GMDS: variants seen among roughly 807,000 people sequenced by gnomAD.
GMDS encodes GDP-mannose 4,6-dehydratase.
In GMDS, 20 loss-of-function variants were observed where a neutral mutation model predicts 49.9. That is an observed-to-expected ratio of 0.40 (90% CI 0.28 to 0.58). The LOEUF is 0.58. Among genes scored for constraint, GMDS ranks in the 20% least tolerant of loss-of-function variants. GMDS has a pLI of 0.42. For missense variants in GMDS, 362 were observed against 481.4 expected, an observed-to-expected ratio of 0.75 and a Z score of 2.32; for synonymous variants, 177 against 178.6, an observed-to-expected ratio of 0.99 and a Z score of 0.07.
intron 9 of GMDS, among the ~76,000 whole-genome samples, chr6:1,703,638 A>C (rs1038939236): frequency 6.6e-6 from 1 of 152,256 alleles, no homozygotes; most frequent in Non-Finnish European, 1.5e-5. Flanking sequence ...GCCTGCTGGC[A>C]TCTGCCGAGG....
intron 7 of GMDS, among the ~76,000 whole-genome samples, chr6:1,764,455 T>C (rs1300110850): frequency 6.6e-6 from 1 of 152,236 alleles, no homozygotes; most frequent in Non-Finnish European, 1.5e-5. Context: ...CTGTCTGGAA[T>C]AGGCTTGTCA....
At chr6:2,169,007 G>A (rs1355800273) in intron 1 of GMDS, among the ~76,000 whole-genome samples, 4 of 152,092 alleles carry the variant, frequency 2.6e-5, no homozygotes, top group African/African-American at 7.2e-5. Flanking sequence ...TAGGTAGAAA[G>A]AACACTTGAA....
chr6:2,039,454 T>A (rs1420866774), intron 4 of GMDS, among the ~76,000 whole-genome samples: 1 of 152,208 alleles, frequency 6.6e-6, no homozygotes, highest in East Asian at 1.9e-4. Flanking sequence ...TATAAACTTT[T>A]TAGTATTTTT....
intron 7 of GMDS, among the ~76,000 whole-genome samples, chr6:1,883,320 G>T (rs1759451157): frequency 6.6e-6 from 1 of 152,066 alleles, no homozygotes; most frequent in African/African-American, 2.4e-5. Flanking sequence ...AACCCTAGGA[G>T]GCGGAGGCTG....
At chr6:1,814,826 A>G (rs564282412) in intron 7 of GMDS, among the ~76,000 whole-genome samples, 58 of 152,316 alleles carry the variant, frequency 3.8e-4, no homozygotes, top group African/African-American at 1.3e-3. Flanking sequence ...AACAAATTAA[A>G]CAACTGGCAT....
intron 4 of GMDS, among the ~76,000 whole-genome samples, chr6:2,050,540 C>G (rs1468577661): frequency 1.1e-4 from 17 of 152,322 alleles, no homozygotes; most frequent in African/African-American, 3.8e-4. Context: ...AGGCCAGCAT[C>G]ATCCTAATAC....
chr6:1,864,646 T>C (rs921895933), intron 7 of GMDS, among the ~76,000 whole-genome samples: 2 of 152,068 alleles, frequency 1.3e-5, no homozygotes, highest in Non-Finnish European at 2.9e-5. Flanking sequence ...CAGGATAAAA[T>C]GGGAAAAATG....
chr6:2,065,974 T>G (rs1404564294), intron 4 of GMDS, among the ~76,000 whole-genome samples: 1 of 152,144 alleles, frequency 6.6e-6, no homozygotes, highest in African/African-American at 2.4e-5. Flanking sequence ...AATTGTCAGA[T>G]TCACCAAAGT....
intron 4 of GMDS, among the ~76,000 whole-genome samples, chr6:1,994,126 T>C (rs1411555881): frequency 6.6e-6 from 1 of 152,226 alleles, no homozygotes; most frequent in African/African-American, 2.4e-5. Flanking sequence ...TCTGAATAAT[T>C]TTCTTATTCC....
intron 4 of GMDS, among the ~76,000 whole-genome samples, chr6:2,038,961 G>A (rs1769476965): frequency 6.6e-6 from 1 of 152,118 alleles, no homozygotes; most frequent in Admixed American, 6.6e-5. Context: ...ACATAACAGC[G>A]GGGATACATT....
intron 4 of GMDS, among the ~76,000 whole-genome samples, chr6:2,008,648 G>A (rs1012674060): frequency 7.2e-5 from 11 of 152,212 alleles, no homozygotes; most frequent in Non-Finnish European, 7.3e-5. Context: ...AGCTTAGCTT[G>A]CATGTACCTA....
At chr6:1,975,708 T>C (rs1031815729) in intron 4 of GMDS, among the ~76,000 whole-genome samples, 1 of 151,876 alleles carries the variant, frequency 6.6e-6, no homozygotes, top group Non-Finnish European at 1.5e-5. Flanking sequence ...ACTTGAAAAA[T>C]GGGAAGAACA....
intron 7 of GMDS, among the ~76,000 whole-genome samples, chr6:1,759,793 C>G (rs976089050): frequency 6.6e-6 from 1 of 152,144 alleles, no homozygotes; most frequent in Non-Finnish European, 1.5e-5. Context: ...CTTTCTAAAA[C>G]CTTCCTCCTA....
At chr6:1,989,274 G>C (rs1457604747) in intron 4 of GMDS, among the ~76,000 whole-genome samples, 1 of 152,202 alleles carries the variant, frequency 6.6e-6, no homozygotes, top group East Asian at 1.9e-4. Context: ...CATACTCTTG[G>C]TGTGAGGAAG....
At position 2,181,405 on chromosome 6, in the gene GMDS, C is replaced by A. The variant is rs79345884; in HGVS notation, c.103-56674G>T. 1.7e-3 allele frequency among the ~76,000 whole-genome samples: 253 copies of A among 152,238 alleles called. 2 individuals carry two copies. The East Asian group carries it at 0.035, about 21-fold the overall frequency. ...CCTCCCTTTACTCACAAAATCCAAT[C>A]CATCGGCAAATCCTACCAATTCTAT... On this transcript the variant is annotated intron_variant, in intron 1 of 10. Coordinates refer to ENST00000380815, the MANE Select transcript of GMDS (RefSeq NM_001500.4).
intron 8 of GMDS, 99 bp from the exon 9 acceptor site, chr6:1,726,611 C>T (rs1300883823): frequency 3.6e-6 from 3 of 821,948 alleles, no homozygotes; most frequent in Non-Finnish European, 6.3e-6. Context: ...CCCGCAGGAG[C>T]GCTTAAGCTC....
chr6:1,672,680 A>T (rs1045687669), intron 9 of GMDS, among the ~76,000 whole-genome samples: 1 of 152,212 alleles, frequency 6.6e-6, no homozygotes, highest in African/African-American at 2.4e-5. Context: ...TCACCACCAG[A>T]CTGGGTACCT....
At chr6:1,661,296 G>C (rs1764065076) in intron 9 of GMDS, among the ~76,000 whole-genome samples, 1 of 152,212 alleles carries the variant, frequency 6.6e-6, no homozygotes, top group Non-Finnish European at 1.5e-5. Context: ...GTTGTAATCA[G>C]TGAGTGATGG....
chr6:1,780,640 C>T (rs192995440), intron 7 of GMDS, among the ~76,000 whole-genome samples: 35 of 152,310 alleles, frequency 2.3e-4, no homozygotes, highest in Middle Eastern at 3.4e-3. Flanking sequence ...CTGGCTCCCG[C>T]GCTGCTCTGC....
Sources: allele counts gnomAD v4.1 joint callset (sites outside exome capture counted in the v4.1 genomes callset), GRCh38; gene constraint gnomAD v4.1.1; transcripts MANE v1.5; gene names NCBI Gene and HGNC (gene_info 2026-07-23, HGNC 2026-07-21).